HIBADH: variants seen among roughly 807,000 people sequenced by gnomAD.
HIBADH encodes 3-hydroxyisobutyrate dehydrogenase, also known as 3-hydroxyisobutyrate dehydrogenase, mitochondrial.
A neutral mutation model predicts 36.1 loss-of-function variants in HIBADH; 25 were observed. The ratio of observed to expected loss-of-function variants is 0.69; its 90% CI spans 0.50 to 0.97. HIBADH has a LOEUF of 0.97. HIBADH is among the 50% of genes least tolerant of loss of function. The pLI is 0.00. For missense variants in HIBADH, 421 were observed against 418.0 expected (o/e 1.01, Z -0.06); for synonymous variants, 160 against 149.5 (o/e 1.07, Z -0.51).
intron 4 of HIBADH, among the ~76,000 whole-genome samples, chr7:27,591,899 G>C (rs1784946387): frequency 6.6e-6 from 1 of 152,094 alleles, no homozygotes; most frequent in Admixed American, 6.5e-5. Flanking sequence ...AGTGATTCTA[G>C]AAGAACCTTC....
chr7:27,561,786 A>AGGTACAATACATACAC (rs1360719032), intron 4 of HIBADH, among the ~76,000 whole-genome samples: 1 of 152,196 alleles, frequency 6.6e-6, no homozygotes, highest in Non-Finnish European at 1.5e-5. Flanking sequence ...TGAGGTTATT[A>AGGTACAATACATACAC]GGTACAATAC....
intron 4 of HIBADH, among the ~76,000 whole-genome samples, chr7:27,570,686 T>C (rs1358808572): frequency 6.6e-6 from 1 of 151,846 alleles, no homozygotes; most frequent in African/African-American, 2.4e-5. Context: ...TGTATATAAA[T>C]TATACCTCAA....
intron 7 of HIBADH, among the ~76,000 whole-genome samples, chr7:27,529,536 T>C (rs1783961623): frequency 6.6e-6 from 1 of 152,142 alleles, no homozygotes; most frequent in Admixed American, 6.5e-5. Context: ...ATAGGAGAAC[T>C]AGAATTAGAA....
At chr7:27,550,722 T>C (rs1236958738) in intron 4 of HIBADH, among the ~76,000 whole-genome samples, 1 of 152,170 alleles carries the variant, frequency 6.6e-6, no homozygotes, top group Non-Finnish European at 1.5e-5. Flanking sequence ...TAATCAATGA[T>C]TTTTCTGGTG....
At chr7:27,526,474 T>A in intron 7 of HIBADH, 102 bp from the exon 8 acceptor site, 2 of 894,936 alleles carry the variant, frequency 2.2e-6, no homozygotes, top group Non-Finnish European at 3.1e-6. Context: ...AAATGTAATC[T>A]GAAAAAATAA....
intron 7 of HIBADH, among the ~76,000 whole-genome samples, chr7:27,528,120 T>G (rs1467771632): frequency 6.6e-6 from 1 of 151,852 alleles, no homozygotes; most frequent in Admixed American, 6.6e-5. Flanking sequence ...AAAGCGCACA[T>G]AAGATGGCAA....
At chr7:27,638,308 C>CAA (rs368715218) in intron 2 of HIBADH, among the ~76,000 whole-genome samples, 2,156 of 55,406 alleles carry the variant, frequency 0.039, 225 homozygotes, top group African/African-American at 0.14. Flanking sequence ...TTGGCAAAGT[C>CAA]AAAAAAAAAA....
chr7:27,578,786 TGA>T (rs1562628987), intron 4 of HIBADH, among the ~76,000 whole-genome samples: 1 of 152,162 alleles, frequency 6.6e-6, no homozygotes, highest in Non-Finnish European at 1.5e-5. Flanking sequence ...GCACCTGAGT[TGA>T]GAGGTTAGGA....
At chr7:27,653,873 G>A (rs989353977) in intron 1 of HIBADH, among the ~76,000 whole-genome samples, 1 of 152,166 alleles carries the variant, frequency 6.6e-6, no homozygotes, top group Non-Finnish European at 1.5e-5. Context: ...TGAGTATGAA[G>A]AGGCTGAAGG....
At chr7:27,567,001 C>T (rs962848335) in intron 4 of HIBADH, among the ~76,000 whole-genome samples, 1 of 152,132 alleles carries the variant, frequency 6.6e-6, no homozygotes, top group Non-Finnish European at 1.5e-5. Context: ...GTGTTTTCTG[C>T]TGTTGCTGCA....
At chr7:27,618,806 G>A (rs768281591) in intron 4 of HIBADH, among the ~76,000 whole-genome samples, 13 of 152,114 alleles carry the variant, frequency 8.5e-5, no homozygotes, top group Admixed American at 4.6e-4. Context: ...AGGCAAAGGC[G>A]GAGTGGGCAT....
At position 27,527,746 on chromosome 7, in the gene HIBADH, A is replaced by C. The variant is rs1272579415; in HGVS notation, c.853-1374T>G. ...ATTTCTGTTACGGTGATCTGCAATCAATCAGTAACTTTTTTTTTTTTGAGA... is the reference window on the plus strand; with the variant it reads ...ATTTCTGTTACGGTGATCTGCAATCCATCAGTAACTTTTTTTTTTTTGAGA... On this transcript the variant is annotated intron_variant, in intron 7 of 7. Transcript: ENST00000265395. 3.3e-5 allele frequency among the ~76,000 whole-genome samples: 4 copies of C among 121,056 alleles called. No homozygotes were observed. The South Asian group carries it at 8.2e-4, about 25-fold the overall frequency. The allele number at this position is 121,056 out of a possible 152,430, so 79.4% of individuals were successfully genotyped here. A position where few individuals can be genotyped will look rare whatever the true frequency, so the allele number is the denominator to read the frequency against.
chr7:27,625,638 T>C (rs568538828), intron 4 of HIBADH, among the ~76,000 whole-genome samples: 20 of 152,304 alleles, frequency 1.3e-4, no homozygotes, highest in Admixed American at 2.6e-4. Flanking sequence ...GTTCAATGTA[T>C]ACTTACACTT....
At chr7:27,550,680 G>A (rs1784305542) in intron 4 of HIBADH, among the ~76,000 whole-genome samples, 1 of 151,942 alleles carries the variant, frequency 6.6e-6, no homozygotes, top group Admixed American at 6.6e-5. Context: ...AACATTCCTG[G>A]TGATATCTCT....
chr7:27,662,102 A>C (rs1437444488), intron 1 of HIBADH, among the ~76,000 whole-genome samples: 1 of 152,208 alleles, frequency 6.6e-6, no homozygotes, highest in Non-Finnish European at 1.5e-5. Flanking sequence ...AATTTGACAA[A>C]AATGACATTT....
intron 2 of HIBADH, among the ~76,000 whole-genome samples, chr7:27,644,657 C>A (rs573361637): frequency 6.7e-6 from 1 of 150,266 alleles, no homozygotes; most frequent in East Asian, 2.0e-4. Flanking sequence ...CACAGCTACT[C>A]GGGAGGCTGA....
intron 4 of HIBADH, among the ~76,000 whole-genome samples, chr7:27,564,753 A>G (rs1450128156): frequency 6.6e-6 from 1 of 152,262 alleles, no homozygotes; most frequent in East Asian, 1.9e-4. Context: ...CTTCAAATCC[A>G]TCAATCCATG....
chr7:27,613,311 T>C (rs1474302560), intron 4 of HIBADH, among the ~76,000 whole-genome samples: 5 of 147,570 alleles, frequency 3.4e-5, no homozygotes, highest in Admixed American at 2.1e-4. Context: ...GTTTTATATA[T>C]ATATATATAA....
chr7:27,590,467 T>C (rs899413410), intron 4 of HIBADH, among the ~76,000 whole-genome samples: 11 of 152,160 alleles, frequency 7.2e-5, no homozygotes, highest in African/African-American at 2.7e-4. Flanking sequence ...GCCCCAAATT[T>C]CCAAACCATC....
Sources: allele counts gnomAD v4.1 joint callset (sites outside exome capture counted in the v4.1 genomes callset), GRCh38; gene constraint gnomAD v4.1.1; transcripts MANE v1.5; gene names NCBI Gene and HGNC (gene_info 2026-07-23, HGNC 2026-07-21).